Variants in NUMB observed in about 807,000 individuals in gnomAD.
NUMB encodes the protein NUMB endocytic adaptor protein, also known as protein numb homolog.
Under a neutral mutation model 59.7 loss-of-function variants are expected in NUMB, and 29 were observed. The observed-to-expected ratio is 0.49, with a 90% CI of 0.36 to 0.66. NUMB has a LOEUF of 0.66. Among genes scored for constraint, NUMB ranks in the 30% least tolerant of loss-of-function variants. The pLI is 0.00. For missense variants in NUMB, 723 were observed against 822.0 expected, an observed-to-expected ratio of 0.88 and a Z score of 1.47; for synonymous variants, 288 against 288.2, an observed-to-expected ratio of 1.00 and a Z score of 0.01.
intron 4 of NUMB, among the ~76,000 whole-genome samples, chr14:73,331,257 G>T (rs1891957108): frequency 6.6e-6 from 1 of 152,132 alleles, no homozygotes; most frequent in Admixed American, 6.5e-5. Context: ...TATGAAATTT[G>T]CTTCTAGACT....
At chr14:73,367,348 T>TATATATATAGAGAGAGAG (rs1555375287) in intron 2 of NUMB, among the ~76,000 whole-genome samples, 28 of 105,242 alleles carry the variant, frequency 2.7e-4, no homozygotes, top group African/African-American at 1.1e-3. Context: ...TATATATATA[T>TATATATATAGAGAGAGAG]AGAGAGAGAG....
intron 2 of NUMB, among the ~76,000 whole-genome samples, chr14:73,406,987 G>A (rs906763422): frequency 4.6e-5 from 7 of 151,964 alleles, no homozygotes; most frequent in African/African-American, 9.7e-5. Context: ...GGTTACAGGC[G>A]TGCACCACCA....
At chr14:73,316,706 T>C (rs759721410) in intron 5 of NUMB, among the ~76,000 whole-genome samples, 7 of 152,224 alleles carry the variant, frequency 4.6e-5, no homozygotes, top group Admixed American at 2.6e-4. Context: ...AATCGCTATT[T>C]ACATTTAAAA....
intron 4 of NUMB, among the ~76,000 whole-genome samples, chr14:73,345,673 G>T (rs1892880379): frequency 6.6e-6 from 1 of 152,064 alleles, no homozygotes; most frequent in African/African-American, 2.4e-5. Flanking sequence ...CACTTTGGGA[G>T]GCCGAGGGTG....
At chr14:73,286,355 T>C (rs1889004650) in intron 9 of NUMB, 1 of 152,074 alleles carries the variant, frequency 6.6e-6, no homozygotes, top group Admixed American at 6.6e-5. Flanking sequence ...TATATTAATG[T>C]CTATTAGTTA....
intron 7 of NUMB, among the ~76,000 whole-genome samples, chr14:73,296,414 C>T (rs1889772869): frequency 6.7e-6 from 1 of 148,248 alleles, no homozygotes; most frequent in African/African-American, 2.5e-5. Flanking sequence ...GCACTCCAGC[C>T]TGGGCAACAA....
intron 1 of NUMB, among the ~76,000 whole-genome samples, chr14:73,440,584 A>AC (rs1882982899): frequency 1.3e-5 from 2 of 151,970 alleles, no homozygotes; most frequent in Non-Finnish European, 2.9e-5. Flanking sequence ...GGTGACTCAC[A>AC]CCTGTAATCC....
At chr14:73,362,070 A>T (rs1224029244) in intron 3 of NUMB, among the ~76,000 whole-genome samples, 1 of 152,142 alleles carries the variant, frequency 6.6e-6, no homozygotes, top group South Asian at 2.1e-4. Context: ...CAGCCTGGAC[A>T]ACATGGCAAA....
chr14:73,414,730 C>A (rs1056941630), intron 1 of NUMB, among the ~76,000 whole-genome samples: 3 of 151,440 alleles, frequency 2.0e-5, no homozygotes, highest in African/African-American at 7.3e-5. Context: ...GCGGGGGGGG[C>A]GGGTTTTGAG....
intron 1 of NUMB, among the ~76,000 whole-genome samples, chr14:73,438,418 G>A (rs1486017371): frequency 6.6e-6 from 1 of 151,944 alleles, no homozygotes; most frequent in Non-Finnish European, 1.5e-5. Flanking sequence ...ATCACTTGGG[G>A]TTAGGAGTTC....
intron 2 of NUMB, among the ~76,000 whole-genome samples, chr14:73,378,927 T>C (rs1895097935): frequency 6.6e-6 from 1 of 152,168 alleles, no homozygotes; most frequent in South Asian, 2.1e-4. Context: ...GTGCTGGAAG[T>C]TGATAGTGGG....
At chr14:73,333,838 T>C (rs1445723612) in intron 4 of NUMB, among the ~76,000 whole-genome samples, 3 of 152,154 alleles carry the variant, frequency 2.0e-5, no homozygotes, top group African/African-American at 7.2e-5. Context: ...TATGCTTCCT[T>C]TGAAGAATTG....
chr14:73,333,305 T>G (rs991579010), intron 4 of NUMB, among the ~76,000 whole-genome samples: 3 of 152,264 alleles, frequency 2.0e-5, no homozygotes, highest in African/African-American at 7.2e-5. Flanking sequence ...GGTATCTTTG[T>G]GGCTTTGATT....
chr14:73,416,223 G>A (rs113620932), intron 1 of NUMB, among the ~76,000 whole-genome samples: 30 of 152,168 alleles, frequency 2.0e-4, no homozygotes, highest in African/African-American at 6.5e-4. Context: ...AAGCTTTATT[G>A]AGACCTGCAA....
At chr14:73,371,077 G>A (rs748986566) in intron 2 of NUMB, among the ~76,000 whole-genome samples, 2 of 151,866 alleles carry the variant, frequency 1.3e-5, no homozygotes, top group South Asian at 2.1e-4. Flanking sequence ...GCGTGAGCCC[G>A]CATCAGGTCC....
At chr14:73,385,308 C>CTTTTTTTT (rs1174960370) in intron 2 of NUMB, among the ~76,000 whole-genome samples, 1,123 of 112,150 alleles carry the variant, frequency 0.01, 27 homozygotes, top group Non-Finnish European at 0.015. Context: ...CCAGTTAATT[C>CTTTTTTTT]TTTTTTTTTT....
Position 73,323,221 on chromosome 14 carries a change from A to T in NUMB, c.127-17T>A, listed in dbSNP as rs146244009. On this transcript the variant is annotated splice_polypyrimidine_tract_variant and intron_variant, in intron 4 of 12. Coordinates refer to ENST00000555238, the MANE Select transcript of NUMB (RefSeq NM_001005743.2). ...GCCAAGGTACTGTAGAAAGAAGGAA[A>T]AGTTAGGGCTATTGCTATGTTTACC... 6.4e-7 allele frequency: 1 copy of T among 1,570,070 alleles called. No homozygotes were observed. Among genetic ancestry groups the T allele is most frequent in the African/African-American group, 1.4e-5 (1 of 74,056 alleles).
chr14:73,284,592 A>G, intron 9 of NUMB: 1 of 416,930 alleles, frequency 2.4e-6, no homozygotes, highest in East Asian at 4.0e-5. Context: ...TAAGACAGAA[A>G]TGTTAGATCT....
In NUMB at chr14:73,353,107, A is replaced by G. The variant is rs569444626; in HGVS notation, c.126+2519T>C. 5.5e-4 allele frequency among the ~76,000 whole-genome samples: 11 copies of G among 20,040 alleles called. No homozygotes were observed. In the East Asian group the frequency reaches 0.06, roughly 109 times the overall value. The allele number at this position is 20,040 out of a possible 152,430, so 13.1% of individuals were successfully genotyped here. A position where few individuals can be genotyped will look rare whatever the true frequency, so the allele number is the denominator to read the frequency against. ...TTTTTTTTTTTTTTTTTTTTGAGAC[A>G]GAGTCTCACTCTTGTTGCCCGGGCT... On this transcript the variant is annotated intron_variant, in intron 4 of 12. Transcript: ENST00000555238.
Sources: gnomAD v4.1 joint callset for allele counts (sites outside exome capture counted in the v4.1 genomes callset) on GRCh38, gnomAD v4.1.1 for gene constraint, MANE v1.5 for transcripts, NCBI Gene and HGNC (gene_info 2026-07-23, HGNC 2026-07-21) for gene names.